Variants in CTNNA2 observed in about 807,000 individuals in gnomAD.
CTNNA2 encodes the protein catenin alpha 2.
CTNNA2 carries 42 observed loss-of-function variants against 101.0 expected under a neutral mutation model. The ratio of observed to expected loss-of-function variants is 0.42; its 90% CI spans 0.32 to 0.54. The LOEUF (loss-of-function observed/expected upper bound fraction) is 0.54. CTNNA2 is among the 20% of genes least tolerant of loss of function. The pLI is 0.14. For missense variants in CTNNA2, 871 were observed against 1,223.1 expected, an observed-to-expected ratio of 0.71 and a Z score of 4.29; for synonymous variants, 450 against 456.4, an observed-to-expected ratio of 0.99 and a Z score of 0.18.
chr2:80,500,079 G>T (rs1489211070), intron 9 of CTNNA2, among the ~76,000 whole-genome samples: 1 of 152,116 alleles, frequency 6.6e-6, no homozygotes, highest in Non-Finnish European at 1.5e-5. Context: ...AATGGAATAT[G>T]ATTAAACCTT....
intron 3 of CTNNA2, among the ~76,000 whole-genome samples, chr2:79,352,841 T>C (rs1361278614): frequency 6.6e-6 from 1 of 152,214 alleles, no homozygotes; most frequent in Non-Finnish European, 1.5e-5. Context: ...AATTGGCTCA[T>C]GGTTCTGTGA....
intron 7 of CTNNA2, among the ~76,000 whole-genome samples, chr2:79,972,105 GA>G: frequency 6.6e-6 from 1 of 152,148 alleles, no homozygotes; most frequent in East Asian, 1.9e-4. Context: ...TCAGAGAGGG[GA>G]CCATACAAGA....
intron 2 of CTNNA2, among the ~76,000 whole-genome samples, chr2:79,679,965 G>A (rs1445020773): frequency 6.6e-6 from 1 of 152,080 alleles, no homozygotes; most frequent in Non-Finnish European, 1.5e-5. Flanking sequence ...TACAACTTGG[G>A]GATTCCTCCA....
chr2:80,358,880 TA>T (rs879536469), intron 7 of CTNNA2, among the ~76,000 whole-genome samples: 53 of 150,000 alleles, frequency 3.5e-4, no homozygotes, highest in African/African-American at 1.2e-3. Flanking sequence ...CTTCACCCAT[TA>T]AAAAAAAACA....
chr2:80,209,314 G>C (rs1707742037), intron 7 of CTNNA2, among the ~76,000 whole-genome samples: 1 of 150,928 alleles, frequency 6.6e-6, no homozygotes, highest in South Asian at 2.1e-4. Flanking sequence ...CGACTCTTCT[G>C]CCTCAGCCTC....
intron 1 of CTNNA2, among the ~76,000 whole-genome samples, chr2:79,598,729 G>A (rs1677358215): frequency 6.6e-6 from 1 of 152,036 alleles, no homozygotes; most frequent in African/African-American, 2.4e-5. Flanking sequence ...TGTATCTTTT[G>A]CATATATTTT....
chr2:80,557,544 T>TG (rs1213100621), intron 12 of CTNNA2, among the ~76,000 whole-genome samples: 14 of 152,072 alleles, frequency 9.2e-5, no homozygotes, highest in Admixed American at 9.2e-4. Flanking sequence ...AGAGAAGTGT[T>TG]GAAGACCTAG....
At chr2:79,287,535 C>G in intron 2 of CTNNA2, among the ~76,000 whole-genome samples, 1 of 120,652 alleles carries the variant, frequency 8.3e-6, no homozygotes, top group Non-Finnish European at 1.7e-5. Context: ...CAGTCTGCCC[C>G]TGCTGGGGGG....
intron 2 of CTNNA2, among the ~76,000 whole-genome samples, chr2:79,671,598 C>T (rs1213450329): frequency 6.6e-6 from 1 of 152,170 alleles, no homozygotes; most frequent in Admixed American, 6.5e-5. Flanking sequence ...CAATGGATTC[C>T]TTTTTAAGTG....
chr2:80,229,749 A>G (rs1369803105), intron 7 of CTNNA2, among the ~76,000 whole-genome samples: 1 of 152,192 alleles, frequency 6.6e-6, no homozygotes, highest in Non-Finnish European at 1.5e-5. Context: ...CATGGCAACC[A>G]GTCTCTATCC....
intron 6 of CTNNA2, among the ~76,000 whole-genome samples, chr2:79,898,201 T>C (rs1684843603): frequency 6.6e-6 from 1 of 152,120 alleles, no homozygotes. Context: ...TGGTGTGATC[T>C]CAGCTCATTG....
intron 3 of CTNNA2, among the ~76,000 whole-genome samples, chr2:79,792,928 C>T (rs769575163): frequency 2.6e-5 from 4 of 152,202 alleles, no homozygotes; most frequent in Non-Finnish European, 5.9e-5. Flanking sequence ...TCATTTATTA[C>T]ATAATCCAAA....
intron 7 of CTNNA2, among the ~76,000 whole-genome samples, chr2:80,387,728 C>G (rs1017390671): frequency 3.3e-5 from 5 of 152,142 alleles, no homozygotes; most frequent in African/African-American, 1.2e-4. Flanking sequence ...AATAAAGGAT[C>G]TCCTATTAAA....
At chr2:79,512,571 C>A (rs1415312448), upstream of CTNNA2, among the ~76,000 whole-genome samples, 1 of 151,626 alleles carries the variant, frequency 6.6e-6, no homozygotes, top group Non-Finnish European at 1.5e-5. Flanking sequence ...CTATCCCCCC[C>A]GCCCCTATCC....
chr2:80,547,378 T>G (rs1692169079), intron 11 of CTNNA2, among the ~76,000 whole-genome samples: 1 of 152,186 alleles, frequency 6.6e-6, no homozygotes, highest in Non-Finnish European at 1.5e-5. Flanking sequence ...TTAAGAAAAC[T>G]AAGTCATTGA....
chr2:79,999,721 G>T lies in CTNNA2; in HGVS notation c.1056+89924G>T, dbSNP rs141193706. On this transcript the variant is annotated intron_variant, in intron 7 of 18. Transcript: ENST00000402739. ...TTTAGTCATTCAACAAATATTTATT[G>T]CATCTCCTATGAGCCCAGTACAGCT... Among the ~76,000 whole-genome samples, 6 of 152,224 alleles carry T rather than the reference G, an allele frequency of 3.9e-5. No individual in the cohort carries two copies. The East Asian group carries it at 1.2e-3, about 29-fold the overall frequency.
chr2:79,653,427 T>C (rs1417390628), intron 2 of CTNNA2, among the ~76,000 whole-genome samples: 1 of 152,150 alleles, frequency 6.6e-6, no homozygotes, highest in Non-Finnish European at 1.5e-5. Context: ...CAGGATTCAC[T>C]CCATTAGAAA....
chr2:79,346,325 AC>A lies in CTNNA2; in HGVS notation c.-317-27503del, dbSNP rs1677263714. ...TATTAGTATTATTTTGCTACAAAGA[AC>A]CCTGTTGCTATTTTGTCCTCATTTT... On this transcript the variant is annotated intron_variant, in intron 3 of 21. Transcript: ENST00000466387. Among the ~76,000 whole-genome samples, 3 of 152,184 alleles carry A rather than the reference AC, an allele frequency of 2.0e-5. No homozygotes were observed. The South Asian group carries it at 6.2e-4, about 32-fold the overall frequency.
chr2:79,672,575 AT>A (rs563930420), intron 2 of CTNNA2, among the ~76,000 whole-genome samples: 33 of 152,268 alleles, frequency 2.2e-4, no homozygotes, highest in Admixed American at 2.0e-3. Flanking sequence ...TTAATCATAT[AT>A]TTTTAATCAC....
Sources: allele counts gnomAD v4.1 joint callset (sites outside exome capture counted in the v4.1 genomes callset), GRCh38; gene constraint gnomAD v4.1.1; transcripts MANE v1.5; gene names NCBI Gene and HGNC (gene_info 2026-07-23, HGNC 2026-07-21).